DDX54: variants seen among roughly 807,000 people sequenced by gnomAD.
DDX54 encodes DEAD-box helicase 54, also known as ATP-dependent RNA helicase DDX54.
DDX54 carries 67 observed loss-of-function variants against 105.5 expected under a neutral mutation model. That is an observed-to-expected ratio of 0.64 (90% CI 0.52 to 0.78). The LOEUF is 0.78. DDX54 is among the 30% of genes least tolerant of loss of function. DDX54 has a pLI of 0.00. For missense variants in DDX54, 1,206 were observed against 1,230.5 expected, an observed-to-expected ratio of 0.98 and a Z score of 0.30; for synonymous variants, 514 against 509.9, an observed-to-expected ratio of 1.01 and a Z score of -0.11.
rs1289077004 is a variant in DDX54 at position 113,164,180 on chromosome 12, G to T, written c.1825C>A (p.Gln609Lys). The T allele has an allele frequency of 1.3e-6, 2 of 1,563,806 alleles. No homozygotes were observed. The highest frequency in any genetic ancestry group is 1.7e-6 in the Non-Finnish European group (2 of 1,155,144). Reference sequence around the variant, plus strand: ...CCCTCCTGCTGCTCCTGCCGCCCCTGCTGTCCCTGCTGGAAGCGGGCGATG... The same window carrying T: ...CCCTCCTGCTGCTCCTGCCGCCCCTTCTGTCCCTGCTGGAAGCGGGCGATG... ...KAIARFQQGQ[Q>K]GRQEQQEGPV... The change falls in exon 15 of 20, where the codon CAG becomes AAG. Residue 609 changes from glutamine (Q) to lysine (K), a missense_variant. Physicochemically the swap from Gln to Lys is moderately conservative, Grantham distance 53 (BLOSUM62 1). Coordinates refer to ENST00000306014, the MANE Select transcript of DDX54 (RefSeq NM_024072.4).
rs549292064 is a variant in DDX54 at position 113,167,785 on chromosome 12, C to T, written c.1415-1753G>A. On this transcript the variant is annotated intron_variant, in intron 12 of 19. Transcript: ENST00000306014. ...ATTGGGGGAGGCTCCTTCCCTCCCTCTGCCCCTCCCACGCCCATGCACAGC... is the reference window on the plus strand; with the variant it reads ...ATTGGGGGAGGCTCCTTCCCTCCCTTTGCCCCTCCCACGCCCATGCACAGC... Among the ~76,000 whole-genome samples, 20 of 152,330 alleles carry T rather than the reference C, an allele frequency of 1.3e-4. No homozygotes were observed. The East Asian group carries it at 3.9e-3, about 29-fold the overall frequency.
chr12:113,172,955 CT>C (rs200054434), intron 10 of DDX54, among the ~76,000 whole-genome samples: 4,325 of 152,286 alleles, frequency 0.028, 117 homozygotes, highest in African/African-American at 0.07. Context: ...TTCTTTGTGC[CT>C]TATTATGAGG....
In DDX54 at chr12:113,157,815, C is replaced by A; in HGVS notation, c.*1062G>T. The A allele has an allele frequency of 1.3e-6, 1 of 751,276 alleles. No individual in the cohort carries two copies. The highest frequency in any genetic ancestry group is 2.2e-6 in the Non-Finnish European group (1 of 447,550). 46.5% of individuals were successfully genotyped at this position (751,276 alleles called of 1,614,324 possible). On this transcript the variant is annotated 3_prime_UTR_variant, in exon 20 of 20. Coordinates refer to ENST00000306014, the MANE Select transcript of DDX54 (RefSeq NM_024072.4). ...TCATTGGGAAGATGGGAGGGCTGTG[C>A]CTGTTCAGAGTGCTGTGGGCCTGCC...
intron 12 of DDX54, among the ~76,000 whole-genome samples, chr12:113,166,503 C>G (rs1333874974): frequency 6.6e-6 from 1 of 152,020 alleles, no homozygotes; most frequent in African/African-American, 2.4e-5. Context: ...GAATTGGAGA[C>G]CAGCCTGAGC....
rs758607012 is a variant in DDX54, at chr12:113,185,330, G to A, written c.122C>T (p.Ser41Leu). The A allele has an allele frequency of 1.3e-5, 21 of 1,587,058 alleles. No individual in the cohort carries two copies. Among genetic ancestry groups the A allele is most frequent in the Non-Finnish European group, 1.8e-5 (21 of 1,170,242 alleles). ...GAASQARGSD[S>L]EDGEFEIQAE... ...CTGGATCTCAAACTCGCCGTCCTCC[G>A]AGTCGCTGCCGCGGGCCTGGGAGGC... Residue 41 changes from serine to leucine, a missense_variant, in exon 1 of 20, where the codon TCG (serine) becomes TTG (leucine). By Grantham distance (145) the Ser-to-Leu change is moderately radical. Around this residue, in one of 3 missense-constraint regions of DDX54, gnomAD observed 212 missense variants for 155.4 expected, o/e 1.36. Transcript: ENST00000306014.
chr12:113,176,259 A>C (rs1952401942), intron 7 of DDX54, among the ~76,000 whole-genome samples: 1 of 152,158 alleles, frequency 6.6e-6, no homozygotes, highest in African/African-American at 2.4e-5. Context: ...TGCTTTTAAA[A>C]AAATCTCTTT....
intron 3 of DDX54, 78 bp downstream of exon 3, chr12:113,179,857 G>T: frequency 2.0e-6 from 3 of 1,506,078 alleles, no homozygotes; most frequent in South Asian, 1.1e-5. Flanking sequence ...TGGGACAAGG[G>T]GTGGCTGTCA....
intron 1 of DDX54, among the ~76,000 whole-genome samples, chr12:113,185,057 C>T (rs1212271952): frequency 6.6e-6 from 1 of 152,242 alleles, no homozygotes; most frequent in African/African-American, 2.4e-5. Context: ...GGCCCGCAGG[C>T]TCCAGCCCCG....
rs1360950869 is a variant in DDX54, at chr12:113,185,348, T to C, written c.104A>G (p.Gln35Arg). 1.3e-6 allele frequency: 2 copies of C among 1,587,810 alleles called. No individual in the cohort carries two copies. The highest frequency in any genetic ancestry group is 1.7e-6 in the Non-Finnish European group (2 of 1,170,226). The change falls in exon 1 of 20, where the codon CAG (glutamine) becomes CGG (arginine). Residue 35 changes from glutamine to arginine, a missense_variant. By Grantham distance (43) the Gln-to-Arg change is conservative (BLOSUM62 1). Around this residue, in one of 3 missense-constraint regions of DDX54, gnomAD observed 212 missense variants for 155.4 expected, o/e 1.36. Transcript: ENST00000306014. ...GTCCTCCGAGTCGCTGCCGCGGGCCTGGGAGGCCGCGCCTCGGCGCTTCCG... is the reference window on the plus strand; with the variant it reads ...GTCCTCCGAGTCGCTGCCGCGGGCCCGGGAGGCCGCGCCTCGGCGCTTCCG... ...GLRKRRGAAS[Q>R]ARGSDSEDGE...
At position 113,158,859 on chromosome 12, in the gene DDX54, G is replaced by C; in HGVS notation, c.*18C>G. 6.4e-7 allele frequency: 1 copy of C among 1,574,664 alleles called. No individual in the cohort carries two copies. The highest frequency in any genetic ancestry group is 8.7e-7 in the Non-Finnish European group (1 of 1,154,622). Reference sequence around the variant, plus strand: ...ACCCTAAGGCCAATCAAGGAGCCACGGGGCTGGGTCCTGGTCCTCACATCC... The same window carrying C: ...ACCCTAAGGCCAATCAAGGAGCCACCGGGCTGGGTCCTGGTCCTCACATCC... On this transcript the variant is annotated 3_prime_UTR_variant, in exon 20 of 20. Coordinates refer to ENST00000306014, the MANE Select transcript of DDX54 (RefSeq NM_024072.4). The surrounding 1 kb of genome is among the most constrained non-coding windows in gnomAD (Gnocchi z 4.9).
chr12:113,175,322 C>A (rs1952390691), intron 7 of DDX54, among the ~76,000 whole-genome samples, 165 bp from the exon 8 acceptor site: 1 of 152,206 alleles, frequency 6.6e-6, no homozygotes, highest in South Asian at 2.1e-4. Context: ...ACAACAATAA[C>A]CTTGAAATCT....
chr12:113,157,615 T>G lies in DDX54; in HGVS notation c.*1262A>C. On this transcript the variant is annotated 3_prime_UTR_variant, in exon 20 of 20. Coordinates refer to ENST00000306014, the MANE Select transcript of DDX54 (RefSeq NM_024072.4). ...GGGCCCCCCCAGGTGAAGCTGTTCATGCAGGACCTCTCTGCCATGCTGGCC... is the reference window on the plus strand; with the variant it reads ...GGGCCCCCCCAGGTGAAGCTGTTCAGGCAGGACCTCTCTGCCATGCTGGCC... 6.4e-7 allele frequency: 1 copy of G among 1,551,682 alleles called. No individual in the cohort carries two copies. The highest frequency in any genetic ancestry group is 8.7e-7 in the Non-Finnish European group (1 of 1,146,986).
chr12:113,176,051 C>T (rs55997709), intron 7 of DDX54, among the ~76,000 whole-genome samples: 17,307 of 151,246 alleles, frequency 0.11, 1,211 homozygotes, highest in East Asian at 0.21. Context: ...GGGAGGGTTC[C>T]AAGTACTTTA....
rs756971909 is a variant in DDX54, at chr12:113,158,921, G to A, written c.2602C>T (p.Arg868Trp). The change falls in exon 20 of 20, where the codon CGG becomes TGG. Residue 868 changes from arginine to tryptophan, a missense_variant. By Grantham distance (101) the Arg-to-Trp change is moderately radical. Transcript: ENST00000306014. This position sits in a 1 kb window ranked among gnomAD's most constrained non-coding sequence, Gnocchi z 4.9. ...VQELQQGAFG[R>W]GARSKKGKMR... ...TTGCCCTTCTTGGAGCGGGCACCCC[G>A]GCCGAAGGCGCCCTGCTGCAGCTCC... The A allele has an allele frequency of 1.6e-5, 26 of 1,608,736 alleles. No individual in the cohort carries two copies. Among genetic ancestry groups the A allele is most frequent in the Admixed American group, 6.7e-5 (4 of 59,798 alleles).
Position 113,166,210 on chromosome 12 carries a change from A to G in DDX54, c.1415-178T>C, listed in dbSNP as rs1593000683. Reference sequence around the variant, plus strand: ...GCTAGAGAGCCAGACACTTGAATACACTGACAGGGGTCAACAAACTGCGGC... The same window carrying G: ...GCTAGAGAGCCAGACACTTGAATACGCTGACAGGGGTCAACAAACTGCGGC... On this transcript the variant is annotated intron_variant, in intron 12 of 19. Coordinates refer to ENST00000306014, the MANE Select transcript of DDX54 (RefSeq NM_024072.4). 4.6e-5 allele frequency among the ~76,000 whole-genome samples: 7 copies of G among 152,324 alleles called. No individual in the cohort carries two copies. The South Asian group carries it at 1.4e-3, about 32-fold the overall frequency.
At chr12:113,165,083 T>C (rs561972808) in intron 14 of DDX54, among the ~76,000 whole-genome samples, 149 of 152,250 alleles carry the variant, frequency 9.8e-4, no homozygotes, top group African/African-American at 3.4e-3. Context: ...GGTCACATGC[T>C]AGGAAAAGGC....
In DDX54 at chr12:113,157,406, G is replaced by T. The variant is rs1172073554; in HGVS notation, c.*1471C>A. 3.4e-6 allele frequency: 2 copies of T among 592,208 alleles called. No homozygotes were observed. The highest frequency in any genetic ancestry group is 6.0e-6 in the Non-Finnish European group (2 of 330,696). The allele number at this position is 592,208 out of a possible 1,614,324, so 36.7% of individuals were successfully genotyped here. A position where few individuals can be genotyped will look rare whatever the true frequency, so the allele number is the denominator to read the frequency against. ...GTCTGCTCACGCAGCAGTTGGGAAG[G>T]TTGGCCTGAGGCTTTCAAAACCCAG... On this transcript the variant is annotated 3_prime_UTR_variant, in exon 20 of 20. Transcript: ENST00000306014.
In DDX54 at chr12:113,180,925, C is replaced by T. The variant is rs748310887; in HGVS notation, c.304+4G>A. 6.2e-7 allele frequency: 1 copy of T among 1,613,438 alleles called. No individual in the cohort carries two copies. Among genetic ancestry groups the T allele is most frequent in the Non-Finnish European group, 8.5e-7 (1 of 1,179,688 alleles). ...CAGAGTCCCTGATGCCAAGTTGCACCCACCCATGGACTGGAAGCCTCCAGA... is the reference window on the plus strand; with the variant it reads ...CAGAGTCCCTGATGCCAAGTTGCACTCACCCATGGACTGGAAGCCTCCAGA... On this transcript the variant is annotated splice_donor_region_variant and intron_variant, in intron 2 of 19. Transcript: ENST00000306014.
rs565090336 is a variant in DDX54, at chr12:113,165,192, TACTC to T, written c.1719+448_1719+451del. Among the ~76,000 whole-genome samples the T allele has an allele frequency of 3.8e-4, 58 of 152,326 alleles. No individual in the cohort carries two copies. In the South Asian group the frequency reaches 4.6e-3, roughly 12 times the overall value. ...CCTGATCCTAGCTGGCTGGCAGGCT[TACTC>T]ACTCCTCAGTAGGTCTTTCCTTTTG... On this transcript the variant is annotated intron_variant, in intron 14 of 19. Coordinates refer to ENST00000306014, the MANE Select transcript of DDX54 (RefSeq NM_024072.4).
Sources: gnomAD v4.1 joint callset for allele counts (sites outside exome capture counted in the v4.1 genomes callset) on GRCh38, gnomAD v4.1.1 for gene constraint, gnomAD v4.1.1 regional missense constraint, Gnocchi (gnomAD v3.1) non-coding constraint, MANE v1.5 for transcripts, NCBI Gene and HGNC (gene_info 2026-07-23, HGNC 2026-07-21) for gene names.